The following PRELID2 variants were observed in gnomAD, a reference collection of about 807,000 sequenced individuals.
PRELID2 encodes PRELI domain-containing protein 2.
In PRELID2, 25 loss-of-function variants were observed where a neutral mutation model predicts 28.4. That is an observed-to-expected ratio of 0.88 (90% confidence interval 0.64 to 1.23). The LOEUF (loss-of-function observed/expected upper bound fraction) is 1.23, where lower values mean the gene tolerates loss of function less well. PRELID2 is among the 50% of genes most tolerant of loss of function. The probability of loss-of-function intolerance (pLI) is 0.00; values close to 1 mark genes in which losing one functional copy is unlikely to be tolerated. For synonymous variants in PRELID2, 76 were observed against 71.6 expected (o/e 1.06, Z -0.31); for missense variants, 201 against 214.4 (o/e 0.94, Z 0.39).
the PRELID2 span, among the ~76,000 whole-genome samples, chr5:145,342,761 C>G: frequency 6.7e-6 from 1 of 149,352 alleles, no homozygotes; most frequent in Non-Finnish European, 1.5e-5. Context: ...TAAGGACATA[C>G]AAGAAACTCA....
Position 145,487,985 on chromosome 5 carries a change from G to T in PRELID2, n.71-14670C>A, listed in dbSNP as rs142620740. Among the ~76,000 whole-genome samples the T allele has an allele frequency of 4.2e-4, 63 of 151,628 alleles. 1 individual carries two copies. In the South Asian group the frequency reaches 6.9e-3, roughly 17 times the overall value. On this transcript the variant is annotated intron_variant and non_coding_transcript_variant, in intron 1 of 2. Coordinates refer to the PRELID2 transcript ENST00000510259. ...TAAAAATACAAAAAATTAGCCGGGC[G>T]TGATGGTGCATACCTGTAGACCCAG... is the stretch of plus-strand genomic sequence containing the variant.
the PRELID2 span, among the ~76,000 whole-genome samples, chr5:145,254,419 A>G: frequency 6.6e-6 from 1 of 152,154 alleles, no homozygotes; most frequent in Non-Finnish European, 1.5e-5. Context: ...TCAAAACACT[A>G]CAAGTATGTG....
At chr5:145,415,826 T>G in the PRELID2 span, among the ~76,000 whole-genome samples, 3 of 151,892 alleles carry the variant, frequency 2.0e-5, no homozygotes, top group Non-Finnish European at 4.4e-5. Context: ...AAATCGTATT[T>G]CTAGTTCTAG....
chr5:145,761,708 G>C (rs1757485333), intron 6 of PRELID2, among the ~76,000 whole-genome samples: 1 of 152,172 alleles, frequency 6.6e-6, no homozygotes, highest in South Asian at 2.1e-4. Context: ...TAGAAGCATA[G>C]TTGTGTTCCA....
At chr5:145,566,559 G>C (rs148930785) in intron 1 of PRELID2, among the ~76,000 whole-genome samples, 1 of 152,132 alleles carries the variant, frequency 6.6e-6, no homozygotes, top group Non-Finnish European at 1.5e-5. Flanking sequence ...AGTGAAAAAG[G>C]CCCCACATGG....
At chr5:145,294,580 A>T in the PRELID2 span, among the ~76,000 whole-genome samples, 1 of 151,610 alleles carries the variant, frequency 6.6e-6, no homozygotes, top group African/African-American at 2.4e-5. Context: ...CTATATCAAG[A>T]TTATTAACTC....
intron 1 of PRELID2, among the ~76,000 whole-genome samples, chr5:145,617,115 C>T (rs189724818): frequency 6.3e-4 from 96 of 152,336 alleles, no homozygotes; most frequent in Admixed American, 2.5e-3. Context: ...GTTCCCTGAA[C>T]ATTGCTGTTA....
chr5:145,442,820 C>T, the PRELID2 span, among the ~76,000 whole-genome samples: 1 of 151,992 alleles, frequency 6.6e-6, no homozygotes, highest in Non-Finnish European at 1.5e-5. Flanking sequence ...TATTAATCAG[C>T]AGTAACAGTT....
chr5:145,575,846 C>G (rs1271719796), intron 1 of PRELID2, among the ~76,000 whole-genome samples: 3 of 152,072 alleles, frequency 2.0e-5, no homozygotes, highest in Non-Finnish European at 4.4e-5. Context: ...CCTCTCCAGC[C>G]CACCTTGCAT....
the PRELID2 span, among the ~76,000 whole-genome samples, chr5:145,380,033 T>G: frequency 1.3e-5 from 2 of 152,168 alleles, no homozygotes; most frequent in African/African-American, 4.8e-5. Context: ...GACGGCCCTT[T>G]CTGGCCATGG....
At chr5:145,538,033 T>C (rs1752716559) in intron 1 of PRELID2, among the ~76,000 whole-genome samples, 1 of 151,968 alleles carries the variant, frequency 6.6e-6, no homozygotes, top group African/African-American at 2.4e-5. Flanking sequence ...GATGTAACCA[T>C]CTAGTCTCAA....
intron 5 of PRELID2, among the ~76,000 whole-genome samples, chr5:145,781,809 A>T (rs905539787): frequency 2.0e-5 from 3 of 149,192 alleles, no homozygotes; most frequent in Admixed American, 1.4e-4. Context: ...ACAAATACAC[A>T]ATTTGTTTTT....
intron 4 of PRELID2, among the ~76,000 whole-genome samples, chr5:145,814,530 A>G (rs1251157705): frequency 6.6e-6 from 1 of 152,238 alleles, no homozygotes; most frequent in Non-Finnish European, 1.5e-5. Context: ...GGGCTGCTGC[A>G]GCATCCTAAA....
At chr5:145,424,816 C>G in the PRELID2 span, among the ~76,000 whole-genome samples, 1 of 152,044 alleles carries the variant, frequency 6.6e-6, no homozygotes, top group Non-Finnish European at 1.5e-5. Flanking sequence ...CTATAAAAAC[C>G]CTAGAAGAAA....
chr5:145,811,559 A>G (rs1443877088), intron 4 of PRELID2, among the ~76,000 whole-genome samples: 1 of 152,216 alleles, frequency 6.6e-6, no homozygotes, highest in Non-Finnish European at 1.5e-5. Flanking sequence ...TACGGGGATC[A>G]TAGGTATTGA....
At chr5:145,705,939 T>TACACACACAC (rs61283424) in intron 1 of PRELID2, among the ~76,000 whole-genome samples, 2,138 of 145,570 alleles carry the variant, frequency 0.015, 45 homozygotes, top group African/African-American at 0.051. Flanking sequence ...CATGTGCGCC[T>TACACACACAC]ACACACACAC....
intron 1 of PRELID2, among the ~76,000 whole-genome samples, chr5:145,551,151 C>T (rs942011045): frequency 1.1e-4 from 16 of 152,026 alleles, no homozygotes; most frequent in African/African-American, 3.1e-4. Context: ...ACTAAGAGAA[C>T]CTGCTTATTG....
the PRELID2 span, among the ~76,000 whole-genome samples, chr5:145,302,931 T>C: frequency 6.6e-6 from 1 of 152,132 alleles, no homozygotes; most frequent in African/African-American, 2.4e-5. Flanking sequence ...TTCAACAGTA[T>C]TACAATCATG....
At chr5:145,693,700 A>G (rs113945815) in intron 1 of PRELID2, among the ~76,000 whole-genome samples, 3,907 of 152,214 alleles carry the variant, frequency 0.026, 179 homozygotes, top group African/African-American at 0.088. Context: ...CTTGAGCCCA[A>G]GAGTTTGGGG....
Sources: allele counts gnomAD v4.1 joint callset (sites outside exome capture counted in the v4.1 genomes callset), GRCh38; gene constraint gnomAD v4.1.1; transcripts MANE v1.5; gene names NCBI Gene and HGNC (gene_info 2026-07-23, HGNC 2026-07-21).